The following INSC variants were observed in gnomAD, a reference collection of about 807,000 sequenced individuals.
The protein encoded by INSC is INSC spindle orientation adaptor protein, also known as protein inscuteable homolog.
INSC carries 67 observed loss-of-function variants against 58.6 expected under a neutral mutation model. The observed-to-expected ratio is 1.14, with a 90% CI of 0.94 to 1.40. The LOEUF is 1.40. INSC is among the 40% of genes most tolerant of loss of function. INSC has a pLI of 0.00. For missense variants in INSC, 714 were observed against 692.0 expected, an observed-to-expected ratio of 1.03 and a Z score of -0.36; for synonymous variants, 262 against 276.1, an observed-to-expected ratio of 0.95 and a Z score of 0.51.
chr11:15,256,453 C>T, the INSC span, among the ~76,000 whole-genome samples: 1 of 151,522 alleles, frequency 6.6e-6, no homozygotes, highest in South Asian at 2.1e-4. Flanking sequence ...ATCAGGTTGG[C>T]ACTTTCGTAT....
intron 1 of INSC, among the ~76,000 whole-genome samples, chr11:15,133,187 G>A (rs764252212): frequency 9.2e-5 from 14 of 151,920 alleles, no homozygotes; most frequent in East Asian, 1.9e-4. Context: ...TAGTTCTCTC[G>A]TATTTTTTCT....
Position 15,163,659 on chromosome 11 carries a change from T to A in INSC, c.57-12082T>A, listed in dbSNP as rs528241241. Reference sequence around the variant, plus strand: ...GGCTGAAGTGAGTGCAGTGGTGCGATCTTGGCTCACTGCAACCTCCGCTTC... The same window carrying A: ...GGCTGAAGTGAGTGCAGTGGTGCGAACTTGGCTCACTGCAACCTCCGCTTC... On this transcript the variant is annotated intron_variant, in intron 2 of 12. Transcript: ENST00000379556. Among the ~76,000 whole-genome samples the A allele has an allele frequency of 7.2e-5, 11 of 152,310 alleles. No individual in the cohort carries two copies. The South Asian group carries it at 1.2e-3, about 17-fold the overall frequency.
chr11:15,168,443 G>T (rs1849278044), intron 2 of INSC, among the ~76,000 whole-genome samples: 1 of 152,168 alleles, frequency 6.6e-6, no homozygotes, highest in Non-Finnish European at 1.5e-5. Context: ...CAAAGGACAT[G>T]ATCTTAGCAT....
intron 9 of INSC, among the ~76,000 whole-genome samples, chr11:15,234,994 C>T (rs1309269178): frequency 6.6e-6 from 1 of 152,216 alleles, no homozygotes; most frequent in Non-Finnish European, 1.5e-5. Context: ...TCAGTGATGA[C>T]TGATAAGCGA....
chr11:15,162,645 G>A lies in INSC; in HGVS notation c.57-13096G>A, dbSNP rs143655904. Among the ~76,000 whole-genome samples the A allele has an allele frequency of 4.6e-5, 7 of 152,206 alleles. No homozygotes were observed. In the East Asian group the frequency reaches 1.4e-3, roughly 29 times the overall value. ...TCCACAGGGGCTGGAATGTTCGTTCGTTTTGCTTACTAATATATCCCAAGT... is the reference window on the plus strand; with the variant it reads ...TCCACAGGGGCTGGAATGTTCGTTCATTTTGCTTACTAATATATCCCAAGT... On this transcript the variant is annotated intron_variant, in intron 2 of 12. Coordinates refer to ENST00000379556, the MANE Select transcript of INSC (RefSeq NM_001042536.3).
chr11:15,264,315 G>A, the INSC span, among the ~76,000 whole-genome samples: 3 of 148,510 alleles, frequency 2.0e-5, no homozygotes, highest in Admixed American at 6.8e-5. Context: ...ATTCTGCTGC[G>A]GCGGCTGCTG....
At chr11:15,226,983 C>T (rs1792561) in intron 9 of INSC, among the ~76,000 whole-genome samples, 83,461 of 151,946 alleles carry the variant, frequency 0.55, 24,460 homozygotes, top group East Asian at 0.89. Flanking sequence ...GGGCAGCTGA[C>T]CGTAGAAGCT....
chr11:15,190,355 G>A (rs872689), intron 5 of INSC, among the ~76,000 whole-genome samples: 6,023 of 152,298 alleles, frequency 0.04, 357 homozygotes, highest in African/African-American at 0.12. Flanking sequence ...TAATTTAACT[G>A]ATGGTTTCTT....
rs116603767 is a variant in INSC, at chr11:15,145,501, G to A, written c.-45-3629G>A. 7.8e-3 allele frequency among the ~76,000 whole-genome samples: 1,180 copies of A among 152,240 alleles called. 16 individuals are homozygous for A. The highest frequency in any genetic ancestry group is 0.027 in the African/African-American group (1,124 of 41,540). On this transcript the variant is annotated intron_variant, in intron 1 of 12. Transcript: ENST00000379556. The stretch of plus-strand genomic sequence containing the variant: ...AGTCTGACTTAGGGCTATGGGAGTC[G>A]GTGGGTGCAAGGGCTTCAGACTGAA...
At chr11:15,217,512 A>T (rs1169550580) in intron 7 of INSC, among the ~76,000 whole-genome samples, 2 of 152,196 alleles carry the variant, frequency 1.3e-5, no homozygotes, top group Admixed American at 6.5e-5. Context: ...GAATTGCCTC[A>T]GGTGCTGGGA....
At chr11:15,119,398 G>A (rs977705551) in intron 1 of INSC, among the ~76,000 whole-genome samples, 2 of 152,148 alleles carry the variant, frequency 1.3e-5, no homozygotes, top group East Asian at 1.9e-4. Flanking sequence ...CAGACTCTGC[G>A]ATCTGGCCGG....
intron 9 of INSC, among the ~76,000 whole-genome samples, chr11:15,226,512 C>T (rs929428565): frequency 6.6e-6 from 1 of 152,212 alleles, no homozygotes; most frequent in Non-Finnish European, 1.5e-5. Context: ...CCTCTGGCCA[C>T]ACTTGGCCTC....
intron 1 of INSC, among the ~76,000 whole-genome samples, chr11:15,130,688 G>A (rs1348144966): frequency 2.0e-5 from 3 of 151,916 alleles, no homozygotes. Flanking sequence ...TGCTTCTCTG[G>A]GTTTGGTGTT....
At chr11:15,207,117 T>C (rs1850833498) in intron 7 of INSC, among the ~76,000 whole-genome samples, 1 of 152,036 alleles carries the variant, frequency 6.6e-6, no homozygotes, top group South Asian at 2.1e-4. Flanking sequence ...CTGCGGACTA[T>C]GGTCCAGATG....
chr11:15,139,360 G>A (rs1277321032), intron 1 of INSC, among the ~76,000 whole-genome samples: 1 of 152,254 alleles, frequency 6.6e-6, no homozygotes, highest in Non-Finnish European at 1.5e-5. Flanking sequence ...GGCCCAGTGG[G>A]AGAGGTCTCT....
intron 2 of INSC, among the ~76,000 whole-genome samples, chr11:15,164,325 C>G (rs995590988): frequency 6.6e-6 from 1 of 152,086 alleles, no homozygotes; most frequent in African/African-American, 2.4e-5. Context: ...TATAGAACTC[C>G]ACCTTCTTTT....
At chr11:15,200,190 C>CAA (rs1232808699) in intron 6 of INSC, among the ~76,000 whole-genome samples, 5 of 140,038 alleles carry the variant, frequency 3.6e-5, no homozygotes, top group African/African-American at 1.2e-4. Context: ...CACACACACA[C>CAA]AAACAGGAGT....
At chr11:15,141,712 C>T (rs1472861642) in intron 1 of INSC, among the ~76,000 whole-genome samples, 1 of 152,044 alleles carries the variant, frequency 6.6e-6, no homozygotes. Flanking sequence ...ACTATTGCCA[C>T]CCTTGCACAG....
At chr11:15,118,232 T>C (rs756018632) in intron 1 of INSC, among the ~76,000 whole-genome samples, 1 of 152,200 alleles carries the variant, frequency 6.6e-6, no homozygotes, top group Non-Finnish European at 1.5e-5. Context: ...TCTGTGAGGC[T>C]AAGTGGTCAG....
Sources: gnomAD v4.1 joint callset for allele counts (sites outside exome capture counted in the v4.1 genomes callset) on GRCh38, gnomAD v4.1.1 for gene constraint, MANE v1.5 for transcripts, NCBI Gene and HGNC (gene_info 2026-07-23, HGNC 2026-07-21) for gene names.